FAM83F: variants seen among roughly 807,000 people sequenced by gnomAD.
FAM83F encodes the protein protein FAM83F.
FAM83F carries 45 observed loss-of-function variants against 42.9 expected under a neutral mutation model. That is an observed-to-expected ratio of 1.05 (90% CI 0.83 to 1.35). FAM83F has a LOEUF of 1.35. Ranked by LOEUF, FAM83F falls within the 40% of genes most tolerant of loss-of-function variation. The probability of loss-of-function intolerance (pLI) is 0.00; values close to 1 mark genes in which losing one functional copy is unlikely to be tolerated. For synonymous variants in FAM83F, 306 were observed against 298.3 expected (o/e 1.03, Z -0.27); for missense variants, 617 against 695.9 (o/e 0.89, Z 1.28).
chr22:40,012,198 C>T (rs1476953030), intron 1 of FAM83F, among the ~76,000 whole-genome samples: 1 of 151,736 alleles, frequency 6.6e-6, no homozygotes, highest in Non-Finnish European at 1.5e-5. Context: ...GCAGTGGTGC[C>T]ATCTTGGCTC....
At chr22:40,001,372 T>C (rs1423354750) in intron 1 of FAM83F, among the ~76,000 whole-genome samples, 4 of 152,080 alleles carry the variant, frequency 2.6e-5, no homozygotes, top group Admixed American at 1.3e-4. Flanking sequence ...GGGTGGGGCA[T>C]GGCGGCTCAT....
rs1218958668 is a variant in FAM83F at position 40,039,378 on chromosome 22, G to A, written c.*9813G>A. On this transcript the variant is annotated 3_prime_UTR_variant, in exon 5 of 5. Coordinates refer to ENST00000333407, the MANE Select transcript of FAM83F (RefSeq NM_138435.4). The stretch of plus-strand genomic sequence containing the variant: ...GCCTCTGCCTCCCAAAGTGCTGGGA[G>A]GATTACAGGCATGAACCACTACGCC... 6.6e-6 allele frequency: 1 copy of A among 152,188 alleles called. No homozygotes were observed. Among genetic ancestry groups the A allele is most frequent in the Non-Finnish European group, 1.5e-5 (1 of 68,048 alleles). The allele number at this position is 152,188 out of a possible 1,614,324, so 9.4% of individuals were successfully genotyped here.
rs754327344 is a variant in FAM83F, at chr22:40,021,672, G to T, written c.1162G>T (p.Val388Leu). 30 of 1,610,772 alleles carry T rather than the reference G, an allele frequency of 1.9e-5. No individual in the cohort carries two copies. Among genetic ancestry groups the T allele is most frequent in the Non-Finnish European group, 2.5e-5 (30 of 1,177,998 alleles). Reference protein sequence around the residue: ...LVTVEQVLPPVEPIPLGELSQ... With the variant: ...LVTVEQVLPPLEPIPLGELSQ... ...TACGGTGGAGCAGGTGCTGCCCCCC[G>T]TGGAGCCCATCCCCTTGGGAGAGCT... Residue 388 changes from valine to leucine, a missense_variant, in exon 4 of 5, where the codon GTG becomes TTG. Physicochemically the swap from Val to Leu is conservative, Grantham distance 32. Coordinates refer to ENST00000333407, the MANE Select transcript of FAM83F (RefSeq NM_138435.4). This position sits in a 1 kb window ranked among gnomAD's most constrained non-coding sequence, Gnocchi z 8.7.
rs201486621 is a variant in FAM83F at position 40,019,262 on chromosome 22, T to A, written c.584T>A (p.Ile195Asn). Reference sequence around the variant, plus strand: ...AAGCGCCGGGTCCCAGTGTACATCATCCTGGACGAGGCAGGAGTGAAGTAT... The same window carrying A: ...AAGCGCCGGGTCCCAGTGTACATCAACCTGGACGAGGCAGGAGTGAAGTAT... Reference protein sequence around the residue: ...ACKRRVPVYIILDEAGVKYFL... With the variant: ...ACKRRVPVYINLDEAGVKYFL... Residue 195 changes from isoleucine to asparagine, a missense_variant, in exon 2 of 5, where the codon ATC (isoleucine) becomes AAC (asparagine). By Grantham distance (149) the Ile-to-Asn change is moderately radical. Transcript: ENST00000333407. 4 of 1,614,158 alleles carry A rather than the reference T, an allele frequency of 2.5e-6. No homozygotes were observed. Among genetic ancestry groups the A allele is most frequent in the African/African-American group, 2.7e-5 (2 of 75,016 alleles).
At chr22:40,029,364 T>C in intron 4 of FAM83F, 152 bp from the exon 5 acceptor site, 2 of 1,130,140 alleles carry the variant, frequency 1.8e-6, no homozygotes, top group Non-Finnish European at 2.5e-6. Context: ...GGTGCCCTAT[T>C]GACTTGGTTT....
intron 1 of FAM83F, among the ~76,000 whole-genome samples, chr22:39,998,299 A>G (rs1050873386): frequency 1.3e-5 from 2 of 152,164 alleles, no homozygotes; most frequent in Non-Finnish European, 2.9e-5. Context: ...GCACACATCC[A>G]ACTGTGTGCC....
chr22:40,003,549 G>GT (rs1283082050), intron 1 of FAM83F, among the ~76,000 whole-genome samples: 1 of 151,862 alleles, frequency 6.6e-6, no homozygotes, highest in South Asian at 2.1e-4. Context: ...CCTGCTCAGG[G>GT]GGGGTGTCCT....
At chr22:40,016,108 GA>G (rs1423505240) in intron 1 of FAM83F, among the ~76,000 whole-genome samples, 3 of 152,204 alleles carry the variant, frequency 2.0e-5, no homozygotes, top group East Asian at 1.9e-4. Flanking sequence ...GAAATCAGGA[GA>G]GGGGGGGACA....
At position 40,027,012 on chromosome 22, in the gene FAM83F, G is replaced by A. The variant is rs868483549; in HGVS notation, c.1454-2504G>A. 2.0e-5 allele frequency among the ~76,000 whole-genome samples: 3 copies of A among 152,144 alleles called. No individual in the cohort carries two copies. In the East Asian group the frequency reaches 5.8e-4, roughly 29 times the overall value. The stretch of plus-strand genomic sequence containing the variant: ...TTTTATTCAATAAATATGTGTCTAC[G>A]AAGTGTCTGCTCTGTGCCAGGCCCT... On this transcript the variant is annotated intron_variant, in intron 4 of 4. Coordinates refer to ENST00000333407, the MANE Select transcript of FAM83F (RefSeq NM_138435.4).
intron 4 of FAM83F, among the ~76,000 whole-genome samples, chr22:40,025,830 G>A (rs531748409): frequency 9.5e-4 from 145 of 152,314 alleles, no homozygotes; most frequent in African/African-American, 3.4e-3. Context: ...GCTCCCCAGT[G>A]CAGAGGGTCC....
intron 4 of FAM83F, among the ~76,000 whole-genome samples, chr22:40,025,812 C>T (rs1281188413): frequency 1.3e-5 from 2 of 152,184 alleles, no homozygotes; most frequent in Non-Finnish European, 2.9e-5. Context: ...CCCTCATTTT[C>T]CAGTGTAGCT....
intron 1 of FAM83F, among the ~76,000 whole-genome samples, chr22:39,999,887 C>T (rs143576011): frequency 6.6e-6 from 1 of 152,346 alleles, no homozygotes; most frequent in African/African-American, 2.4e-5. Flanking sequence ...CCTTCAAGGC[C>T]TGGCTAAGAG....
In FAM83F at chr22:40,012,917, C is replaced by CAA. The variant is rs141904019; in HGVS notation, c.490-6236_490-6235dup. 7.6e-4 allele frequency among the ~76,000 whole-genome samples: 83 copies of CAA among 109,684 alleles called. 1 individual carries two copies. In the South Asian group the frequency reaches 0.017, roughly 23 times the overall value. 72.0% of individuals were successfully genotyped at this position (109,684 alleles called of 152,430 possible). On this transcript the variant is annotated intron_variant, in intron 1 of 4. Coordinates refer to ENST00000333407, the MANE Select transcript of FAM83F (RefSeq NM_138435.4). ...TGAAACCCTGTCTCTACTAAAAATA[C>CAA]AAAAAAAAAAAAAAAATTAGCCAGG...
At chr22:40,003,469 G>C (rs940729348) in intron 1 of FAM83F, among the ~76,000 whole-genome samples, 6 of 152,104 alleles carry the variant, frequency 3.9e-5, no homozygotes, top group African/African-American at 1.4e-4. Context: ...TCCAATCCAA[G>C]CTGGGGGAGG....
rs1390043914 is a variant in FAM83F, at chr22:40,031,144, C to T, written c.*1579C>T. ...CGTGTGGAGAAGGGACTCTGGCCCA[C>T]CTCCCTGAGCTTTTATGAAGGTGAA... On this transcript the variant is annotated 3_prime_UTR_variant, in exon 5 of 5. Transcript: ENST00000333407. 1 of 152,050 alleles carries T rather than the reference C, an allele frequency of 6.6e-6. No individual in the cohort carries two copies. The highest frequency in any genetic ancestry group is 1.5e-5 in the Non-Finnish European group (1 of 68,078). The allele number at this position is 152,050 out of a possible 1,614,324, so 9.4% of individuals were successfully genotyped here.
chr22:40,006,638 A>G lies in FAM83F; in HGVS notation c.489+11107A>G, dbSNP rs1228883824. Among the ~76,000 whole-genome samples, 7 of 152,364 alleles carry G rather than the reference A, an allele frequency of 4.6e-5. No homozygotes were observed. In the South Asian group the frequency reaches 6.2e-4, roughly 14 times the overall value. ...TGCTGGGTGAGTTTGGAGAACATCA[A>G]ATAATCTTGTGGGGTATGAGCTGAT... On this transcript the variant is annotated intron_variant, in intron 1 of 4. Coordinates refer to ENST00000333407, the MANE Select transcript of FAM83F (RefSeq NM_138435.4).
At chr22:40,018,159 C>T (rs1212395894) in intron 1 of FAM83F, among the ~76,000 whole-genome samples, 2 of 152,134 alleles carry the variant, frequency 1.3e-5, no homozygotes, top group South Asian at 2.1e-4. Context: ...TTGAGGATGG[C>T]GTAGGATGGG....
In FAM83F at chr22:39,995,198, G is replaced by A; in HGVS notation, c.156G>A (p.Glu52=). ...GEQAYRERLK[E]EQLRDFLSSP... ...AGGCCTACCGCGAGCGGCTCAAGGA[G>A]GAGCAGCTGCGGGACTTCCTCTCCA... The change falls in exon 1 of 5, where the codon GAG becomes GAA. Residue 52 remains glutamate (E), a synonymous_variant. Coordinates refer to ENST00000333407, the MANE Select transcript of FAM83F (RefSeq NM_138435.4). This position sits in a 1 kb window ranked among gnomAD's most constrained non-coding sequence, Gnocchi z 4.6. 5 of 1,526,926 alleles carry A rather than the reference G, an allele frequency of 3.3e-6. No homozygotes were observed. The highest frequency in any genetic ancestry group is 4.4e-6 in the Non-Finnish European group (5 of 1,143,178). The allele number at this position is 1,526,926 out of a possible 1,614,324, so 94.6% of individuals were successfully genotyped here. A position where few individuals can be genotyped will look rare whatever the true frequency, so the allele number is the denominator to read the frequency against.
At position 40,030,313 on chromosome 22, in the gene FAM83F, T is replaced by G. The variant is rs1601774915; in HGVS notation, c.*748T>G. ...GGTTGAGACCTCCTTGGCTGCTGCCTGCTGCGGGCCTATGTGGGGGTCCTT... is the reference window on the plus strand; with the variant it reads ...GGTTGAGACCTCCTTGGCTGCTGCCGGCTGCGGGCCTATGTGGGGGTCCTT... On this transcript the variant is annotated 3_prime_UTR_variant, in exon 5 of 5. Transcript: ENST00000333407. The G allele has an allele frequency of 6.6e-6, 1 of 152,356 alleles. No homozygotes were observed. 9.4% of individuals were successfully genotyped at this position (152,356 alleles called of 1,614,324 possible). A position where few individuals can be genotyped will look rare whatever the true frequency, so the allele number is the denominator to read the frequency against.
Sources: gnomAD v4.1 joint callset for allele counts (sites outside exome capture counted in the v4.1 genomes callset) on GRCh38, gnomAD v4.1.1 for gene constraint, Gnocchi (gnomAD v3.1) non-coding constraint, MANE v1.5 for transcripts, NCBI Gene and HGNC (gene_info 2026-07-23, HGNC 2026-07-21) for gene names.